The following PPP3R1 variants were observed in gnomAD, a reference collection of about 807,000 sequenced individuals.
The protein encoded by PPP3R1 is protein phosphatase 3 regulatory subunit B, alpha.
PPP3R1 carries 5 observed loss-of-function variants against 22.6 expected under a neutral mutation model. The observed-to-expected ratio is 0.22, with a 90% CI of 0.12 to 0.46. The LOEUF (loss-of-function observed/expected upper bound fraction) is 0.46. Ranked by LOEUF, PPP3R1 falls within the 20% of genes least tolerant of loss-of-function variation. The pLI is 0.99. For missense variants in PPP3R1, 61 were observed against 203.2 expected, an observed-to-expected ratio of 0.30 and a Z score of 4.25; for synonymous variants, 56 against 65.2, an observed-to-expected ratio of 0.86 and a Z score of 0.68.
In PPP3R1 at chr2:68,232,601, G is replaced by A. The variant is rs1170773521; in HGVS notation, c.4-15470C>T. Among the ~76,000 whole-genome samples the A allele has an allele frequency of 4.0e-5, 6 of 151,504 alleles. No homozygotes were observed. In the East Asian group the frequency reaches 9.7e-4, roughly 24 times the overall value. On this transcript the variant is annotated intron_variant, in intron 1 of 5. Transcript: ENST00000234310. ...CCTAATATTCTATTACAGTGTTTTTGTTGTTGTTGTTGTTGTTGTTTTTGA... is the reference window on the plus strand; with the variant it reads ...CCTAATATTCTATTACAGTGTTTTTATTGTTGTTGTTGTTGTTGTTTTTGA...
chr2:68,230,797 A>T (rs1669882284), intron 1 of PPP3R1, among the ~76,000 whole-genome samples: 1 of 152,218 alleles, frequency 6.6e-6, no homozygotes, highest in East Asian at 1.9e-4. Flanking sequence ...CTGAGTTGAC[A>T]GTCCTTTTCT....
At chr2:68,229,973 T>TACACACATACACAC (rs1669859670) in intron 1 of PPP3R1, among the ~76,000 whole-genome samples, 1 of 143,142 alleles carries the variant, frequency 7.0e-6, no homozygotes. Context: ...TATACACACA[T>TACACACATACACAC]ACACACACAC....
At position 68,188,598 on chromosome 2, in the gene PPP3R1, G is replaced by A. The variant is rs1484879018; in HGVS notation, c.136C>T (p.Leu46=). 1 of 1,613,420 alleles carries A rather than the reference G, an allele frequency of 6.2e-7. No individual in the cohort carries two copies. The highest frequency in any genetic ancestry group is 1.7e-5 in the Admixed American group (1 of 60,010). ...GSLSVEEFMS[L]PELQQNPLVQ... ...AAAGGATTCTGTTGTAACTCAGGCA[G>A]AGACATGAACTCTTCCACACTCAAA... Residue 46 remains leucine, a synonymous_variant, in exon 3 of 6, where the codon CTG becomes TTG. Transcript: ENST00000234310.
chr2:68,219,451 GCTT>G (rs1407225731), intron 1 of PPP3R1, among the ~76,000 whole-genome samples: 2 of 152,092 alleles, frequency 1.3e-5, no homozygotes, highest in Non-Finnish European at 2.9e-5. Context: ...CTCACGTTCA[GCTT>G]CTTAAGCTAC....
At chr2:68,207,418 A>C (rs1558633980) in intron 2 of PPP3R1, among the ~76,000 whole-genome samples, 1 of 152,204 alleles carries the variant, frequency 6.6e-6, no homozygotes, top group Non-Finnish European at 1.5e-5. Flanking sequence ...AGTTCTGAGG[A>C]TTAACTGAAA....
At chr2:68,194,541 C>T (rs539314508) in intron 2 of PPP3R1, among the ~76,000 whole-genome samples, 18 of 152,100 alleles carry the variant, frequency 1.2e-4, no homozygotes, top group South Asian at 6.2e-4. Flanking sequence ...AAACATAAAT[C>T]ATCTCCCTTA....
chr2:68,244,302 T>C (rs1475460223), intron 1 of PPP3R1, among the ~76,000 whole-genome samples: 1 of 152,190 alleles, frequency 6.6e-6, no homozygotes, highest in African/African-American at 2.4e-5. Context: ...AGGTCCTAGC[T>C]ACCATTTAGT....
chr2:68,216,382 T>C (rs1669579307), intron 2 of PPP3R1, among the ~76,000 whole-genome samples: 1 of 152,014 alleles, frequency 6.6e-6, no homozygotes, highest in East Asian at 1.9e-4. Context: ...GAAAGTTTGC[T>C]GTTCAGTCAG....
intron 2 of PPP3R1, among the ~76,000 whole-genome samples, chr2:68,198,514 T>C (rs867451697): frequency 6.6e-6 from 1 of 151,250 alleles, no homozygotes; most frequent in African/African-American, 2.4e-5. Context: ...TGTATACATA[T>C]ATGAATGAAT....
chr2:68,206,809 A>T (rs1675136171), intron 2 of PPP3R1, among the ~76,000 whole-genome samples: 1 of 152,244 alleles, frequency 6.6e-6, no homozygotes. Flanking sequence ...GAAAGAATAC[A>T]GTATGTTACA....
chr2:68,211,172 C>T (rs991815072), intron 2 of PPP3R1, among the ~76,000 whole-genome samples: 2 of 151,974 alleles, frequency 1.3e-5, no homozygotes, highest in Non-Finnish European at 2.9e-5. Context: ...TTTGGGAGGC[C>T]GAGACAGGCG....
At chr2:68,201,995 CAA>C (rs1447350833) in intron 2 of PPP3R1, among the ~76,000 whole-genome samples, 3 of 152,108 alleles carry the variant, frequency 2.0e-5, no homozygotes, top group African/African-American at 7.2e-5. Context: ...TGCTTTTAAA[CAA>C]AAGATTCAAT....
chr2:68,179,451 G>T lies in PPP3R1; in HGVS notation c.*1512C>A, dbSNP rs1308437643. The T allele has an allele frequency of 6.6e-6, 1 of 152,448 alleles. No individual in the cohort carries two copies. The highest frequency in any genetic ancestry group is 2.4e-5 in the African/African-American group (1 of 41,438). 9.4% of individuals were successfully genotyped at this position (152,448 alleles called of 1,614,324 possible). A position where few individuals can be genotyped will look rare whatever the true frequency, so the allele number is the denominator to read the frequency against. On this transcript the variant is annotated 3_prime_UTR_variant, in exon 6 of 6. Coordinates refer to ENST00000234310, the MANE Select transcript of PPP3R1 (RefSeq NM_000945.4). ...TTCTCTCACAGACAGAGCCCATGAT[G>T]TGCAGCACTCAGTTGAAGGAACAGC...
At chr2:68,237,773 C>T (rs1444404380) in intron 1 of PPP3R1, among the ~76,000 whole-genome samples, 1 of 151,878 alleles carries the variant, frequency 6.6e-6, no homozygotes, top group Non-Finnish European at 1.5e-5. Flanking sequence ...AGTAAGTGAA[C>T]ATTAAATGTT....
At chr2:68,202,065 A>G (rs1425169441) in intron 2 of PPP3R1, among the ~76,000 whole-genome samples, 1 of 152,198 alleles carries the variant, frequency 6.6e-6, no homozygotes, top group Admixed American at 6.5e-5. Flanking sequence ...CTTCTATGTT[A>G]TCTAATACAG....
chr2:68,215,068 G>C (rs1003919734), intron 2 of PPP3R1, among the ~76,000 whole-genome samples: 4 of 151,964 alleles, frequency 2.6e-5, no homozygotes, highest in African/African-American at 7.3e-5. Context: ...CTTGTAAGTG[G>C]GATCTAAACA....
chr2:68,249,690 CA>C (rs1379442115), intron 1 of PPP3R1, among the ~76,000 whole-genome samples: 4 of 146,102 alleles, frequency 2.7e-5, no homozygotes, highest in African/African-American at 1.0e-4. Flanking sequence ...ATTTAAAACT[CA>C]AATAAGGGTG....
intron 1 of PPP3R1, among the ~76,000 whole-genome samples, chr2:68,242,979 A>G (rs1412517451): frequency 6.6e-6 from 1 of 152,190 alleles, no homozygotes; most frequent in East Asian, 1.9e-4. Flanking sequence ...CTTTAGAAAA[A>G]GAGCTGGTCA....
chr2:68,211,132 C>A (rs1669473011), intron 2 of PPP3R1, among the ~76,000 whole-genome samples: 1 of 152,132 alleles, frequency 6.6e-6, no homozygotes, highest in African/African-American at 2.4e-5. Flanking sequence ...TGCGGCTGGG[C>A]GCGGTGGCTC....
Sources: gnomAD v4.1 joint callset for allele counts (sites outside exome capture counted in the v4.1 genomes callset) on GRCh38, gnomAD v4.1.1 for gene constraint, MANE v1.5 for transcripts, NCBI Gene and HGNC (gene_info 2026-07-23, HGNC 2026-07-21) for gene names.